Variants in CROCC observed in about 807,000 individuals in gnomAD.
CROCC encodes the protein ciliary rootlet coiled-coil, rootletin, also known as rootletin.
A neutral mutation model predicts 245.2 loss-of-function variants in CROCC; 180 were observed. The observed-to-expected ratio is 0.73, with a 90% CI of 0.65 to 0.83. The LOEUF (loss-of-function observed/expected upper bound fraction) is 0.83. Ranked by LOEUF, CROCC falls within the 40% of genes least tolerant of loss-of-function variation. CROCC has a pLI of 0.00. For missense variants in CROCC, 2,688 were observed against 2,779.4 expected (o/e 0.97, Z 0.74); for synonymous variants, 1,205 against 1,241.6 (o/e 0.97, Z 0.62).
chr1:16,939,289 A>G, intron 12 of CROCC, 147 bp downstream of exon 12: 1 of 766,438 alleles, frequency 1.3e-6, no homozygotes, highest in Non-Finnish European at 1.9e-6. Context: ...CAGAGCCCTG[A>G]GAAATAGTTT....
rs2076428137 is a variant in CROCC at position 16,966,965 on chromosome 1, A to G, written c.4860+394A>G. ...AGCTACTCGGGAGGCTGAGGTGGGA[A>G]GATCACTGGAGCCCGGTAGGTCGAG... On this transcript the variant is annotated intron_variant, in intron 30 of 36. Transcript: ENST00000375541. The surrounding 1 kb of genome is among the most constrained non-coding windows in gnomAD (Gnocchi z 4.8). Among the ~76,000 whole-genome samples, 1 of 151,968 alleles carries G rather than the reference A, an allele frequency of 6.6e-6. No homozygotes were observed. Among genetic ancestry groups the G allele is most frequent in the Non-Finnish European group, 1.5e-5 (1 of 67,974 alleles).
chr1:16,957,594 C>T (rs1392501823), intron 25 of CROCC, among the ~76,000 whole-genome samples: 1 of 151,950 alleles, frequency 6.6e-6, no homozygotes, highest in East Asian at 1.9e-4. Flanking sequence ...AGATGCCCGC[C>T]ACCACACCTG....
At chr1:16,928,248 G>T (rs549163986) in intron 3 of CROCC, among the ~76,000 whole-genome samples, 2 of 152,406 alleles carry the variant, frequency 1.3e-5, no homozygotes, top group South Asian at 2.1e-4. Flanking sequence ...GTCGCTGCCA[G>T]GTGCCCTTGA....
At chr1:16,932,312 T>C (rs1344562348) in intron 8 of CROCC, among the ~76,000 whole-genome samples, 2 of 152,220 alleles carry the variant, frequency 1.3e-5, no homozygotes, top group Non-Finnish European at 2.9e-5. Context: ...TAGTGGTGCA[T>C]GCCTGTAATC....
intron 13 of CROCC, among the ~76,000 whole-genome samples, chr1:16,943,755 G>C (rs1284169653): frequency 1.3e-5 from 2 of 152,290 alleles, no homozygotes; most frequent in East Asian, 3.8e-4. Flanking sequence ...GGGTGTTATA[G>C]GGGACATTTC....
rs1222317113 is a variant in CROCC, at chr1:16,966,738, A to G, written c.4860+167A>G. On this transcript the variant is annotated intron_variant, in intron 30 of 36. Coordinates refer to ENST00000375541, the MANE Select transcript of CROCC (RefSeq NM_014675.5). The surrounding 1 kb of genome is among the most constrained non-coding windows in gnomAD (Gnocchi z 4.8). Reference sequence around the variant, plus strand: ...AACCATGTTCAGACTCCATCCTCTCATGTCACTTGTGGTCACTAGGCTGTA... The same window carrying G: ...AACCATGTTCAGACTCCATCCTCTCGTGTCACTTGTGGTCACTAGGCTGTA... Among the ~76,000 whole-genome samples the G allele has an allele frequency of 1.3e-5, 2 of 152,174 alleles. No homozygotes were observed. Among genetic ancestry groups the G allele is most frequent in the African/African-American group, 4.8e-5 (2 of 41,442 alleles).
At chr1:16,938,561 G>A in intron 11 of CROCC, 78 bp downstream of exon 11, 1 of 1,337,414 alleles carries the variant, frequency 7.5e-7, no homozygotes, top group East Asian at 2.5e-5. Flanking sequence ...TCGGTGACCT[G>A]GGACTGAACT....
chr1:16,920,453 A>G (rs551415047), upstream of CROCC, among the ~76,000 whole-genome samples: 4 of 152,328 alleles, frequency 2.6e-5, no homozygotes, highest in Admixed American at 2.6e-4. Context: ...TCAGCCTCCC[A>G]AAGTGCTGGA....
At chr1:16,942,581 T>C (rs1214480787) in intron 13 of CROCC, among the ~76,000 whole-genome samples, 2 of 152,290 alleles carry the variant, frequency 1.3e-5, no homozygotes, top group Non-Finnish European at 2.9e-5. Context: ...ATGTACTCTG[T>C]GATTTAGTCT....
chr1:16,964,533 C>CATG (rs2076388783), intron 27 of CROCC, among the ~76,000 whole-genome samples: 1 of 152,024 alleles, frequency 6.6e-6, no homozygotes. Context: ...GGATTACAGG[C>CATG]GCCCGCCACC....
chr1:16,927,802 T>C (rs2075569906), intron 3 of CROCC, among the ~76,000 whole-genome samples: 1 of 152,284 alleles, frequency 6.6e-6, no homozygotes, highest in Admixed American at 6.5e-5. Context: ...TTGACAGGCC[T>C]GCAGCCGCCA....
In CROCC at chr1:16,958,691, C is replaced by G; in HGVS notation, c.3973C>G (p.Leu1325Val). The change falls in exon 26 of 37, where the codon CTG (leucine) becomes GTG (valine). Residue 1325 changes from leucine to valine, a missense_variant. Transcript: ENST00000375541. ...AGAGAAGGAGAGCAGGCGGGAGACC[C>G]TGGGCCTCCGGCAGAGGCTGCTGAA... The part of the protein sequence containing the change: ...RAEKESRRET[L>V]GLRQRLLKGE... The G allele has an allele frequency of 6.4e-7, 1 of 1,559,038 alleles. No individual in the cohort carries two copies. The highest frequency in any genetic ancestry group is 2.4e-5 in the East Asian group (1 of 41,982).
chr1:16,919,246 G>C (rs1357464421), upstream of CROCC, among the ~76,000 whole-genome samples: 1 of 152,276 alleles, frequency 6.6e-6, no homozygotes, highest in Non-Finnish European at 1.5e-5. Context: ...AAGCGCAAAT[G>C]CCTCGGCCTT....
upstream of CROCC, among the ~76,000 whole-genome samples, chr1:16,921,746 C>T (rs2075409692): frequency 6.6e-6 from 1 of 152,254 alleles, no homozygotes; most frequent in African/African-American, 2.4e-5. Flanking sequence ...TCTCTCCTCC[C>T]TCCTTTTCTC....
chr1:16,928,732 G>A (rs1352168776), intron 3 of CROCC, among the ~76,000 whole-genome samples: 1 of 151,920 alleles, frequency 6.6e-6, no homozygotes, highest in African/African-American at 2.4e-5. Flanking sequence ...GAACCCGGGA[G>A]GTGTAGGTTG....
At position 16,969,848 on chromosome 1, in the gene CROCC, G is replaced by C. The variant is rs777439372; in HGVS notation, c.5365G>C (p.Glu1789Gln). ...EARKQSSSLG[E>Q]QVQTLRGEVA... ...ACGGAAGCAGAGCAGCTCCCTGGGCGAGCAGGTGCAGACGTTGCGAGGCGA... is the reference window on the plus strand; with the variant it reads ...ACGGAAGCAGAGCAGCTCCCTGGGCCAGCAGGTGCAGACGTTGCGAGGCGA... The change falls in exon 33 of 37, where the codon GAG (glutamate) becomes CAG (glutamine). Residue 1789 changes from glutamate to glutamine, a missense_variant. This residue lies in a region of CROCC where 1,218 missense variants were observed against 1,286.3 expected (regional missense o/e 0.95). Coordinates refer to ENST00000375541, the MANE Select transcript of CROCC (RefSeq NM_014675.5). 6.2e-7 allele frequency: 1 copy of C among 1,612,994 alleles called. No homozygotes were observed. Among genetic ancestry groups the C allele is most frequent in the African/African-American group, 1.3e-5 (1 of 74,902 alleles).
At chr1:16,922,608 G>T in intron 1 of CROCC, 55 bp from the exon 2 acceptor site, 1 of 1,543,426 alleles carries the variant, frequency 6.5e-7, no homozygotes, top group South Asian at 1.3e-5. Context: ...CTCCCCACGA[G>T]GCCAGGGAGC....
rs150822543 is a variant in CROCC at position 16,946,391 on chromosome 1, C to T, written c.2269C>T (p.Arg757Cys). The T allele has an allele frequency of 2.8e-5, 45 of 1,611,618 alleles. No individual in the cohort carries two copies. Among genetic ancestry groups the T allele is most frequent in the East Asian group, 6.7e-5 (3 of 44,898 alleles). The change falls in exon 16 of 37, where the codon CGC becomes TGC. Residue 757 changes from arginine to cysteine, a missense_variant. This residue lies in a region of CROCC where 295 missense variants were observed against 241.7 expected (regional missense o/e 1.22). Transcript: ENST00000375541. ...SLAQDKLDLN[R>C]LVAQLEEEKS... ...TGCTCAGGACAAGTTGGATCTGAAC[C>T]GCCTTGTCGCCCAGGTACGCTGTGC...
chr1:16,969,883 C>T lies in CROCC; in HGVS notation c.5400C>T (p.Asp1800=). The T allele has an allele frequency of 6.2e-7, 1 of 1,610,898 alleles. No individual in the cohort carries two copies. Among genetic ancestry groups the T allele is most frequent in the Non-Finnish European group, 8.5e-7 (1 of 1,178,508 alleles). ...QVQTLRGEVA[D]LELQRVEAEG... ...AGACGTTGCGAGGCGAGGTGGCTGA[C>T]CTGGAACTGCAGCGGGTGGAGGCCG... Residue 1800 remains aspartate (D), a synonymous_variant, in exon 33 of 37, where the codon GAC becomes GAT. Coordinates refer to ENST00000375541, the MANE Select transcript of CROCC (RefSeq NM_014675.5).
Sources: allele counts gnomAD v4.1 joint callset (sites outside exome capture counted in the v4.1 genomes callset), GRCh38; gene constraint gnomAD v4.1.1; regional missense constraint gnomAD v4.1.1; non-coding constraint Gnocchi (gnomAD v3.1); transcripts MANE v1.5; gene names NCBI Gene and HGNC (gene_info 2026-07-23, HGNC 2026-07-21).